Variants in IGSF10 observed in about 807,000 individuals in gnomAD.
IGSF10 encodes immunoglobulin superfamily member 10.
Under a neutral mutation model 128.2 loss-of-function variants are expected in IGSF10, and 126 were observed. That is an observed-to-expected ratio of 0.98 (90% CI 0.85 to 1.14). The LOEUF (loss-of-function observed/expected upper bound fraction) is 1.14. Among genes scored for constraint, IGSF10 ranks in the 50% most tolerant of loss-of-function variants. The probability of loss-of-function intolerance (pLI) is 0.00; values close to 1 mark genes in which losing one functional copy is unlikely to be tolerated. For missense variants in IGSF10, 3,295 were observed against 3,149.8 expected (o/e 1.05, Z -1.10); for synonymous variants, 1,185 against 1,146.2 (o/e 1.03, Z -0.68).
At chr3:151,610,761 G>A in the IGSF10 span, among the ~76,000 whole-genome samples, 3 of 152,130 alleles carry the variant, frequency 2.0e-5, no homozygotes. Flanking sequence ...ATCTGCTGAG[G>A]GTCAGTCTAT....
the IGSF10 span, among the ~76,000 whole-genome samples, chr3:151,543,040 CCTA>C: frequency 6.6e-6 from 1 of 152,142 alleles, no homozygotes; most frequent in African/African-American, 2.4e-5. Context: ...TAAAATCTCT[CCTA>C]CTAATTCCCC....
chr3:151,596,129 A>G, the IGSF10 span, among the ~76,000 whole-genome samples: 1 of 152,212 alleles, frequency 6.6e-6, no homozygotes, highest in African/African-American at 2.4e-5. Context: ...ATGTGGTCAT[A>G]TGAATGGTTC....
the IGSF10 span, among the ~76,000 whole-genome samples, chr3:151,608,921 G>T: frequency 6.6e-6 from 1 of 152,208 alleles, no homozygotes; most frequent in African/African-American, 2.4e-5. Flanking sequence ...ACAACCACCT[G>T]TAGAGGGTTT....
the IGSF10 span, among the ~76,000 whole-genome samples, chr3:151,593,888 G>A: frequency 2.0e-5 from 3 of 152,032 alleles, no homozygotes; most frequent in African/African-American, 7.2e-5. Context: ...GGGAAAGACT[G>A]CACAAACTTT....
In IGSF10 at chr3:151,436,634, A is replaced by T; in HGVS notation, c.*55T>A. ...ACATGCCTATGGCTGCCTTTGATTA[A>T]ACTTCTTCCAAAAAATAAATTCTGC... On this transcript the variant is annotated 3_prime_UTR_variant, in exon 8 of 8. Transcript: ENST00000282466. 11 of 1,309,128 alleles carry T rather than the reference A, an allele frequency of 8.4e-6. No individual in the cohort carries two copies. The highest frequency in any genetic ancestry group is 1.2e-5 in the Non-Finnish European group (11 of 943,380). 81.1% of individuals were successfully genotyped at this position (1,309,128 alleles called of 1,614,324 possible). A position where few individuals can be genotyped will look rare whatever the true frequency, so the allele number is the denominator to read the frequency against.
At chr3:151,480,586 T>G in the IGSF10 span, among the ~76,000 whole-genome samples, 1 of 152,104 alleles carries the variant, frequency 6.6e-6, no homozygotes, top group East Asian at 1.9e-4. Flanking sequence ...GTGCATGCTA[T>G]TCCAGTGGCA....
chr3:151,449,794 C>G (rs186263094), intron 5 of IGSF10, among the ~76,000 whole-genome samples: 1 of 152,150 alleles, frequency 6.6e-6, no homozygotes, highest in Admixed American at 6.5e-5. Flanking sequence ...TTACAGGGTA[C>G]CTTGACCTGG....
At chr3:151,510,226 A>C in the IGSF10 span, among the ~76,000 whole-genome samples, 3 of 152,208 alleles carry the variant, frequency 2.0e-5, no homozygotes. Context: ...GGCAACCCCC[A>C]GTAGGGGCGG....
the IGSF10 span, among the ~76,000 whole-genome samples, chr3:151,587,033 C>G: frequency 6.6e-6 from 1 of 152,060 alleles, no homozygotes; most frequent in African/African-American, 2.4e-5. Context: ...ACTTGATATC[C>G]TGTTTTATAG....
At chr3:151,595,292 G>GC in the IGSF10 span, among the ~76,000 whole-genome samples, 3 of 151,826 alleles carry the variant, frequency 2.0e-5, no homozygotes, top group East Asian at 3.9e-4. Flanking sequence ...AATGAAATCA[G>GC]CCCCCCACAG....
the IGSF10 span, among the ~76,000 whole-genome samples, chr3:151,550,903 G>A: frequency 1.8e-4 from 27 of 152,208 alleles, no homozygotes; most frequent in Admixed American, 7.2e-4. Flanking sequence ...ATGCTTGCCC[G>A]ATAAATCTGA....
At chr3:151,561,846 T>C in the IGSF10 span, among the ~76,000 whole-genome samples, 1 of 152,326 alleles carries the variant, frequency 6.6e-6, no homozygotes, top group East Asian at 1.9e-4. Flanking sequence ...TTTTGTGCTG[T>C]TTAAATAGTG....
rs918709186 is a variant in IGSF10, at chr3:151,436,575, A to C, written c.*114T>G. On this transcript the variant is annotated 3_prime_UTR_variant, in exon 8 of 8. Transcript: ENST00000282466. ...TCCTTTTATTTTGCATGTTCATTGT[A>C]AATTTAATACTGTAAATGTATTCAA... is the stretch of plus-strand genomic sequence containing the variant. 1.7e-4 allele frequency: 117 copies of C among 693,570 alleles called. No homozygotes were observed. Among genetic ancestry groups the C allele is most frequent in the East Asian group, 1.3e-4 (5 of 37,758 alleles). The allele number at this position is 693,570 out of a possible 1,614,324, so 43.0% of individuals were successfully genotyped here.
the IGSF10 span, among the ~76,000 whole-genome samples, chr3:151,566,676 A>G: frequency 6.6e-6 from 1 of 152,134 alleles, no homozygotes; most frequent in African/African-American, 2.4e-5. Context: ...GCCTCCACCA[A>G]CCACTGGGAG....
At chr3:151,499,746 T>C in the IGSF10 span, 1 of 152,150 alleles carries the variant, frequency 6.6e-6, no homozygotes, top group Non-Finnish European at 1.5e-5. Context: ...CTGTAGCTTC[T>C]GATGGGATTA....
In IGSF10 at chr3:151,448,627, A is replaced by G. The variant is rs1315868031; in HGVS notation, c.1354T>C (p.Tyr452His). 3 of 1,614,120 alleles carry G rather than the reference A, an allele frequency of 1.9e-6. No individual in the cohort carries two copies. Among genetic ancestry groups the G allele is most frequent in the Middle Eastern group, 1.6e-4 (1 of 6,062 alleles). The change falls in exon 6 of 8, where the codon TAC (tyrosine) becomes CAC (histidine). Residue 452 changes from tyrosine (Y) to histidine (H), a missense_variant. By Grantham distance (83) the Tyr-to-His change is moderately conservative. Transcript: ENST00000282466. ...ATTFSTLQIQ[Y>H]SSDAQITLPR... ...AAAGTGATTTGAGCATCACTGGAGTACTGGATCTGTAATGTACTGAATGTG... is the reference window on the plus strand; with the variant it reads ...AAAGTGATTTGAGCATCACTGGAGTGCTGGATCTGTAATGTACTGAATGTG...
chr3:151,493,686 G>C, the IGSF10 span, among the ~76,000 whole-genome samples: 1 of 152,052 alleles, frequency 6.6e-6, no homozygotes, highest in Non-Finnish European at 1.5e-5. Context: ...GTTTGTATAA[G>C]TATACTCTAT....
chr3:151,456,255 T>TTA (rs1425986643), intron 4 of IGSF10, among the ~76,000 whole-genome samples: 1 of 152,240 alleles, frequency 6.6e-6, no homozygotes, highest in Non-Finnish European at 1.5e-5. Context: ...CTGGTATATG[T>TTA]TAGAAGGCTC....
intron 4 of IGSF10, among the ~76,000 whole-genome samples, chr3:151,455,310 C>T (rs1721732611): frequency 6.6e-6 from 1 of 151,916 alleles, no homozygotes; most frequent in Admixed American, 6.6e-5. Flanking sequence ...TGGGGTTTCT[C>T]CATGTTGGTC....
Sources: allele counts gnomAD v4.1 joint callset (sites outside exome capture counted in the v4.1 genomes callset), GRCh38; gene constraint gnomAD v4.1.1; transcripts MANE v1.5; gene names NCBI Gene and HGNC (gene_info 2026-07-23, HGNC 2026-07-21).